DNAJC13: variants seen among roughly 807,000 people sequenced by gnomAD.
DNAJC13 encodes the protein DnaJ heat shock protein family (Hsp40) member C13.
In DNAJC13, 75 loss-of-function variants were observed where a neutral mutation model predicts 290.5. The ratio of observed to expected loss-of-function variants is 0.26; its 90% CI spans 0.21 to 0.31. The LOEUF (loss-of-function observed/expected upper bound fraction) is 0.31. Ranked by LOEUF, DNAJC13 falls within the 10% of genes least tolerant of loss-of-function variation. DNAJC13 has a pLI of 1.00. For synonymous variants in DNAJC13, 862 were observed against 892.0 expected, an observed-to-expected ratio of 0.97 and a Z score of 0.60; for missense variants, 2,260 against 2,674.5, an observed-to-expected ratio of 0.85 and a Z score of 3.42.
rs1017036865 is a variant in DNAJC13 at position 132,516,385 on chromosome 3, T to C, written c.5486-37T>C. 3.7e-6 allele frequency: 6 copies of C among 1,601,360 alleles called. No individual in the cohort carries two copies. The African/African-American group carries it at 5.4e-5, about 14-fold the overall frequency. On this transcript the variant is annotated intron_variant, in intron 46 of 55. Transcript: ENST00000260818. ...GGTGCCAAGTAAATATAAGCTAACC[T>C]GATGATGCATTCCTTGAAATGTCTT...
chr3:132,453,235 A>T, intron 6 of DNAJC13, 63 bp from the exon 7 acceptor site: 1 of 1,478,260 alleles, frequency 6.8e-7, no homozygotes, highest in Non-Finnish European at 9.2e-7. Context: ...CTATGAGTTG[A>T]TTAGCTACAG....
intron 2 of DNAJC13, among the ~76,000 whole-genome samples, chr3:132,441,610 A>G (rs1376837966): frequency 6.6e-6 from 1 of 152,224 alleles, no homozygotes; most frequent in African/African-American, 2.4e-5. Context: ...ATTATTTTAT[A>G]GTAAACGTAA....
chr3:132,431,292 T>C (rs1453796595), intron 1 of DNAJC13, among the ~76,000 whole-genome samples: 30 of 152,186 alleles, frequency 2.0e-4, no homozygotes, highest in Admixed American at 2.0e-3. Context: ...ATTAGGTGAA[T>C]AATAAATTGC....
In DNAJC13 at chr3:132,531,088, T is replaced by C. The variant is rs754726285; in HGVS notation, c.6616T>C (p.Tyr2206His). ...LFISESQTAG[Y>H]LTGPGVAGYL... ...CATTTCTGAGTCACAAACAGCAGGA[T>C]ACCTCACAGGTAAGCCATACCTAAT... Residue 2206 changes from tyrosine to histidine, a missense_variant, in exon 55 of 56, where the codon TAC becomes CAC. Coordinates refer to ENST00000260818, the MANE Select transcript of DNAJC13 (RefSeq NM_015268.4). 49 of 1,613,940 alleles carry C rather than the reference T, an allele frequency of 3.0e-5. No homozygotes were observed. Among genetic ancestry groups the C allele is most frequent in the African/African-American group, 5.3e-5 (4 of 74,932 alleles).
intron 46 of DNAJC13, 82 bp downstream of exon 46, chr3:132,514,752 C>G: frequency 1.1e-6 from 1 of 933,906 alleles, no homozygotes; most frequent in Non-Finnish European, 1.7e-6. Flanking sequence ...TACAAAACCT[C>G]AAACAAATGT....
At chr3:132,423,028 G>A (rs1939002143) in intron 1 of DNAJC13, among the ~76,000 whole-genome samples, 2 of 152,114 alleles carry the variant, frequency 1.3e-5, no homozygotes, top group African/African-American at 4.8e-5. Flanking sequence ...ATTTTAGCTG[G>A]GTGCACAATA....
Position 132,505,430 on chromosome 3 carries a change from T to C in DNAJC13, c.4998+15T>C, listed in dbSNP as rs975029410. 4.6e-6 allele frequency: 7 copies of C among 1,513,124 alleles called. No homozygotes were observed. In the African/African-American group the frequency reaches 5.6e-5, roughly 12 times the overall value. 93.7% of individuals were successfully genotyped at this position (1,513,124 alleles called of 1,614,324 possible). On this transcript the variant is annotated intron_variant, in intron 42 of 55. Transcript: ENST00000260818. ...TGATTAAAAAAGTATGTTATTGTTT[T>C]ATAAATTTCTTGGGTAATTTATTCT...
intron 1 of DNAJC13, among the ~76,000 whole-genome samples, chr3:132,428,142 C>T (rs1049275367): frequency 1.3e-5 from 2 of 152,206 alleles, no homozygotes; most frequent in Non-Finnish European, 2.9e-5. Context: ...CTTGTCTTCA[C>T]TCATTTGCCA....
At position 132,450,652 on chromosome 3, in the gene DNAJC13, C is replaced by T; in HGVS notation, c.342C>T (p.Tyr114=). The change falls in exon 6 of 56, where the codon TAC becomes TAT. Residue 114 remains tyrosine (Y), a synonymous_variant. Transcript: ENST00000260818. Reference sequence around the variant, plus strand: ...AATACTGATTCTGTCTTTAGAGATACAACTGCTATAAGCATCACTGGAGTG... The same window carrying T: ...AATACTGATTCTGTCTTTAGAGATATAACTGCTATAAGCATCACTGGAGTG... ...FSEGKITGRR[Y]NCYKHHWSDS... is the part of the protein sequence containing the mutation. 3.1e-6 allele frequency: 5 copies of T among 1,607,936 alleles called. No homozygotes were observed. The highest frequency in any genetic ancestry group is 3.4e-6 in the Non-Finnish European group (4 of 1,175,962).
intron 17 of DNAJC13, among the ~76,000 whole-genome samples, chr3:132,464,369 C>T (rs1933907035): frequency 6.6e-6 from 1 of 152,204 alleles, no homozygotes; most frequent in African/African-American, 2.4e-5. Flanking sequence ...ACATGAATTC[C>T]AGCCCTTTTT....
At chr3:132,439,093 T>A (rs1417710636) in intron 2 of DNAJC13, among the ~76,000 whole-genome samples, 2 of 152,222 alleles carry the variant, frequency 1.3e-5, no homozygotes. Context: ...AAAATCTACC[T>A]GTGGATCACC....
At chr3:132,521,589 TTCTCTGGTCTTTGTGA>T (rs1489272524) in intron 48 of DNAJC13, among the ~76,000 whole-genome samples, 4 of 152,226 alleles carry the variant, frequency 2.6e-5, no homozygotes, top group African/African-American at 9.6e-5. Flanking sequence ...GACATGTAAT[TTCTCTGGTCTTTGTGA>T]GAATGAGCTA....
chr3:132,451,533 A>G (rs530740537), intron 6 of DNAJC13, among the ~76,000 whole-genome samples: 1 of 152,288 alleles, frequency 6.6e-6, no homozygotes, highest in South Asian at 2.1e-4. Flanking sequence ...AAGCTGAAGT[A>G]TATATAACTA....
At chr3:132,435,017 TAGTGA>T (rs1024417033) in intron 2 of DNAJC13, among the ~76,000 whole-genome samples, 1 of 152,230 alleles carries the variant, frequency 6.6e-6, no homozygotes, top group Non-Finnish European at 1.5e-5. Context: ...TATGCCATTC[TAGTGA>T]AGTCTAACCT....
rs757479543 is a variant in DNAJC13 at position 132,466,331 on chromosome 3, A to C, written c.2001A>C (p.Ser667=). The C allele has an allele frequency of 6.3e-7, 1 of 1,598,850 alleles. No homozygotes were observed. Among genetic ancestry groups the C allele is most frequent in the South Asian group, 1.1e-5 (1 of 87,562 alleles). ...GCTTGCTGGCATACTTGGAAAGCTC[A>C]GATCTCGTACCTGAGAAGGATGCTG... ...PPGLLAYLES[S]DLVPEKDADR... is the part of the protein sequence containing the mutation. The change falls in exon 19 of 56, where the codon TCA becomes TCC. Residue 667 remains serine, a synonymous_variant. Coordinates refer to ENST00000260818, the MANE Select transcript of DNAJC13 (RefSeq NM_015268.4).
Position 132,538,278 on chromosome 3 carries a change from C to T in DNAJC13, c.6728C>T (p.Thr2243Ile), listed in dbSNP as rs1936659078. 2.5e-6 allele frequency: 4 copies of T among 1,612,974 alleles called. No homozygotes were observed. Among genetic ancestry groups the T allele is most frequent in the Non-Finnish European group, 3.4e-6 (4 of 1,179,468 alleles). The change falls in exon 56 of 56, where the codon ACT (threonine) becomes ATT (isoleucine). Residue 2243 changes from threonine (T) to isoleucine (I), a missense_variant. Coordinates refer to ENST00000260818, the MANE Select transcript of DNAJC13 (RefSeq NM_015268.4). ...GAGGCAGGCGACCTTGGCTATCAGA[C>T]TTGAAATATTCACGAGAGACAATAA... is the stretch of plus-strand genomic sequence containing the variant. ...DHEAGDLGYQ[T>I]
chr3:132,506,347 C>G (rs184662455), intron 42 of DNAJC13, among the ~76,000 whole-genome samples: 1 of 151,570 alleles, frequency 6.6e-6, no homozygotes, highest in Non-Finnish European at 1.5e-5. Flanking sequence ...TCACCGCGCC[C>G]GGCCTTCTGT....
chr3:132,489,564 G>A (rs1934999817), intron 31 of DNAJC13, among the ~76,000 whole-genome samples: 1 of 151,472 alleles, frequency 6.6e-6, no homozygotes, highest in African/African-American at 2.4e-5. Flanking sequence ...GATATTTATT[G>A]TTAAAATGAA....
intron 55 of DNAJC13, 65 bp downstream of exon 55, chr3:132,531,162 C>T: frequency 7.3e-7 from 1 of 1,363,074 alleles, no homozygotes; most frequent in Non-Finnish European, 1.0e-6. Context: ...TTCCTTTTGC[C>T]CTAAATAGAC....
Sources: allele counts gnomAD v4.1 joint callset (sites outside exome capture counted in the v4.1 genomes callset), GRCh38; gene constraint gnomAD v4.1.1; transcripts MANE v1.5; gene names NCBI Gene and HGNC (gene_info 2026-07-23, HGNC 2026-07-21).